The following TRPM6 variants were observed in gnomAD, a reference collection of about 807,000 sequenced individuals.
TRPM6 encodes channel kinase 2.
Under a neutral mutation model 247.6 loss-of-function variants are expected in TRPM6, and 111 were observed. That is an observed-to-expected ratio of 0.45 (90% confidence interval 0.38 to 0.52). TRPM6 has a LOEUF of 0.52. TRPM6 is among the 20% of genes least tolerant of loss of function. The pLI is 0.00. For synonymous variants in TRPM6, 892 were observed against 853.8 expected (o/e 1.04, Z -0.78); for missense variants, 2,126 against 2,421.5 (o/e 0.88, Z 2.56).
At chr9:74,756,314 A>AT (rs35315406) in intron 27 of TRPM6, among the ~76,000 whole-genome samples, 1 of 152,006 alleles carries the variant, frequency 6.6e-6, no homozygotes, top group Admixed American at 6.6e-5. Context: ...AGGCTGAGGT[A>AT]TTTTTTTAAT....
chr9:74,833,883 G>T, intron 6 of TRPM6, 115 bp downstream of exon 6: 1 of 1,383,412 alleles, frequency 7.2e-7, no homozygotes, highest in Non-Finnish European at 1.0e-6. Context: ...TCAGGAGTTG[G>T]TAGTGAATAT....
chr9:74,831,077 A>C (rs2118095963), intron 6 of TRPM6, among the ~76,000 whole-genome samples: 1 of 152,322 alleles, frequency 6.6e-6, no homozygotes, highest in East Asian at 1.9e-4. Context: ...AAAGTGAAAA[A>C]CAGAACATGA....
At chr9:74,887,311 C>G in intron 1 of TRPM6, 1 of 1,370,048 alleles carries the variant, frequency 7.3e-7, no homozygotes, top group Non-Finnish European at 9.4e-7. Flanking sequence ...CGCGGAGGGA[C>G]GGCCGTCTGG....
intron 27 of TRPM6, among the ~76,000 whole-genome samples, chr9:74,759,716 C>CA (rs1239085091): frequency 1.1e-4 from 16 of 151,640 alleles, no homozygotes; most frequent in Admixed American, 8.5e-4. Flanking sequence ...GTGATCTTGG[C>CA]AAAAATATTT....
chr9:74,780,037 T>C (rs904934911), intron 23 of TRPM6, among the ~76,000 whole-genome samples: 3 of 150,812 alleles, frequency 2.0e-5, no homozygotes, highest in Non-Finnish European at 4.4e-5. Flanking sequence ...CCGGGTGTGG[T>C]GGCATGCACC....
rs370627808 is a variant in TRPM6, at chr9:74,759,179, C to T, written c.4785+2517G>A. ...AGACTCATTATTGTTAAGATGTCAACTTTCCCCACATCGACATATAGATCT... is the reference window on the plus strand; with the variant it reads ...AGACTCATTATTGTTAAGATGTCAATTTTCCCCACATCGACATATAGATCT... On this transcript the variant is annotated intron_variant, in intron 27 of 38. Coordinates refer to ENST00000360774, the MANE Select transcript of TRPM6 (RefSeq NM_017662.5). Among the ~76,000 whole-genome samples the T allele has an allele frequency of 6.8e-4, 104 of 152,208 alleles. 4 individuals carry two copies. The South Asian group carries it at 9.1e-3, about 13-fold the overall frequency.
In TRPM6 at chr9:74,788,703, C is replaced by T. The variant is rs1376855844; in HGVS notation, c.2578G>A (p.Val860Met). ...LAFLMLFTYT[V>M]LVEMQPQPSV... ...GGCTGGGGCTGCATCTCCACCAACA[C>T]GGTGTAAGTGAACAGCATGAGGAAT... The change falls in exon 20 of 39, where the codon GTG becomes ATG. Residue 860 changes from valine (V) to methionine (M), a missense_variant. By Grantham distance (21) the Val-to-Met change is conservative. Transcript: ENST00000360774. 5.6e-6 allele frequency: 9 copies of T among 1,614,056 alleles called. No individual in the cohort carries two copies. The highest frequency in any genetic ancestry group is 2.2e-5 in the South Asian group (2 of 91,084).
intron 14 of TRPM6, chr9:74,804,587 A>C: frequency 1.3e-6 from 1 of 747,578 alleles, no homozygotes. Context: ...GGACTGCTTC[A>C]GCTCCTGAGT....
At chr9:74,850,296 CG>C (rs1316024029) in intron 3 of TRPM6, among the ~76,000 whole-genome samples, 1 of 151,790 alleles carries the variant, frequency 6.6e-6, no homozygotes, top group African/African-American at 2.4e-5. Flanking sequence ...CGCTTGAACC[CG>C]GGAAGTGGAA....
chr9:74,855,478 A>G, intron 3 of TRPM6, 49 bp downstream of exon 3: 2 of 1,354,754 alleles, frequency 1.5e-6, no homozygotes, highest in Non-Finnish European at 2.1e-6. Context: ...AGTGAATTTT[A>G]AATAGGGTGC....
In TRPM6 at chr9:74,757,908, A is replaced by G. The variant is rs532157345; in HGVS notation, c.4786-2435T>C. On this transcript the variant is annotated intron_variant, in intron 27 of 38. Coordinates refer to ENST00000360774, the MANE Select transcript of TRPM6 (RefSeq NM_017662.5). ...AGCCTAGGCGACAGAGCAATACTCC[A>G]TCTCAAAAATAAATAAATGAATAAA... 1.3e-3 allele frequency among the ~76,000 whole-genome samples: 205 copies of G among 152,318 alleles called. 1 individual carries two copies. The South Asian group carries it at 0.016, about 12-fold the overall frequency.
intron 20 of TRPM6, among the ~76,000 whole-genome samples, chr9:74,787,936 C>T (rs936558195): frequency 1.4e-4 from 21 of 151,972 alleles, no homozygotes; most frequent in Non-Finnish European, 2.1e-4. Flanking sequence ...AAGATGGTCT[C>T]GATCTCCTGA....
At chr9:74,726,931 C>T (rs1348980279) in intron 38 of TRPM6, among the ~76,000 whole-genome samples, 1 of 152,176 alleles carries the variant, frequency 6.6e-6, no homozygotes, top group East Asian at 1.9e-4. Flanking sequence ...TCTTTGCTCA[C>T]ATCAGGTATG....
chr9:74,744,459 T>C (rs1825968910), intron 31 of TRPM6, among the ~76,000 whole-genome samples: 1 of 152,182 alleles, frequency 6.6e-6, no homozygotes, highest in Non-Finnish European at 1.5e-5. Flanking sequence ...CTGCCCATCA[T>C]ACTTCACGAC....
rs1346211536 is a variant in TRPM6 at position 74,858,738 on chromosome 9, G to T, written c.44C>A (p.Ser15Tyr). The part of the protein sequence containing the change: ...PVLERLQSQK[S>Y]WIKGVFDKRE... Reference sequence around the variant, plus strand: ...CTTGTCAAATACTCCTTTAATCCAGGATTTCTGGGACTAAAAAGAAAGTGT... The same window carrying T: ...CTTGTCAAATACTCCTTTAATCCAGTATTTCTGGGACTAAAAAGAAAGTGT... The change falls in exon 2 of 39, where the codon TCC (serine) becomes TAC (tyrosine). Residue 15 changes from serine (S) to tyrosine (Y), a missense_variant. Around this residue, in one of 3 missense-constraint regions of TRPM6, gnomAD observed 1,082 missense variants for 1,307.9 expected, o/e 0.83. Coordinates refer to ENST00000360774, the MANE Select transcript of TRPM6 (RefSeq NM_017662.5). The T allele has an allele frequency of 1.2e-6, 2 of 1,612,494 alleles. No homozygotes were observed. Among genetic ancestry groups the T allele is most frequent in the Admixed American group, 1.7e-5 (1 of 59,984 alleles).
At chr9:74,777,272 A>T (rs79569583) in intron 23 of TRPM6, among the ~76,000 whole-genome samples, 1,817 of 152,208 alleles carry the variant, frequency 0.012, 19 homozygotes, top group Non-Finnish European at 0.019. Flanking sequence ...TTAACAGTGT[A>T]TTTAAATTTT....
chr9:74,862,703 C>A (rs540543351), intron 1 of TRPM6, among the ~76,000 whole-genome samples: 1 of 152,136 alleles, frequency 6.6e-6, no homozygotes, highest in Non-Finnish European at 1.5e-5. Flanking sequence ...TAAAATTGTC[C>A]GGGTGTGGTG....
chr9:74,792,821 G>C, intron 18 of TRPM6, 51 bp from the exon 19 acceptor site: 1 of 1,542,076 alleles, frequency 6.5e-7, no homozygotes, highest in Non-Finnish European at 9.0e-7. Context: ...AACTAAAATA[G>C]TGACAAGCAT....
chr9:74,834,239 G>C, intron 5 of TRPM6, 117 bp from the exon 6 acceptor site: 1 of 1,250,944 alleles, frequency 8.0e-7, no homozygotes, highest in Non-Finnish European at 1.2e-6. Context: ...CTTAGGGAGA[G>C]TTGCTGGTAC....
Sources: gnomAD v4.1 joint callset for allele counts (sites outside exome capture counted in the v4.1 genomes callset) on GRCh38, gnomAD v4.1.1 for gene constraint, gnomAD v4.1.1 regional missense constraint, MANE v1.5 for transcripts, NCBI Gene and HGNC (gene_info 2026-07-23, HGNC 2026-07-21) for gene names.